The following CEP70 variants were observed in gnomAD, a reference collection of about 807,000 sequenced individuals.
The protein encoded by CEP70 is centrosomal protein 70, also known as centrosomal protein of 70 kDa.
CEP70 carries 70 observed loss-of-function variants against 90.9 expected under a neutral mutation model. That is an observed-to-expected ratio of 0.77 (90% CI 0.64 to 0.94). The LOEUF is 0.94. Among genes scored for constraint, CEP70 ranks in the 40% least tolerant of loss-of-function variants. The probability of loss-of-function intolerance (pLI) is 0.00; values close to 1 mark genes in which losing one functional copy is unlikely to be tolerated. For missense variants in CEP70, 648 were observed against 669.0 expected, an observed-to-expected ratio of 0.97 and a Z score of 0.35; for synonymous variants, 220 against 228.3, an observed-to-expected ratio of 0.96 and a Z score of 0.33.
chr3:138,567,765 A>C (rs1466332987), intron 6 of CEP70, among the ~76,000 whole-genome samples: 1 of 152,170 alleles, frequency 6.6e-6, no homozygotes, highest in African/African-American at 2.4e-5. Flanking sequence ...AGTTCTAGCA[A>C]CCTCTTTAAG....
At chr3:138,544,808 C>G (rs2039059033) in intron 6 of CEP70, among the ~76,000 whole-genome samples, 1 of 152,102 alleles carries the variant, frequency 6.6e-6, no homozygotes, top group Admixed American at 6.6e-5. Flanking sequence ...AAGCCAGGCC[C>G]TGAAAGACAA....
At chr3:138,522,668 A>T (rs1206622501) in intron 11 of CEP70, among the ~76,000 whole-genome samples, 1 of 152,220 alleles carries the variant, frequency 6.6e-6, no homozygotes, top group Non-Finnish European at 1.5e-5. Flanking sequence ...CCCAAGACTA[A>T]ACCAGGAAGA....
chr3:138,508,981 C>T (rs572420057), intron 11 of CEP70, among the ~76,000 whole-genome samples: 1 of 152,276 alleles, frequency 6.6e-6, no homozygotes, highest in African/African-American at 2.4e-5. Context: ...GATCCACCCA[C>T]CTCAGCCTCC....
At position 138,500,140 on chromosome 3, in the gene CEP70, A is replaced by G. The variant is rs531685434; in HGVS notation, c.1622T>C (p.Met541Thr). The change falls in exon 16 of 18, where the codon ATG (methionine) becomes ACG (threonine). Residue 541 changes from methionine to threonine, a missense_variant. Physicochemically the swap from Met to Thr is moderately conservative, Grantham distance 81 (BLOSUM62 -1). Transcript: ENST00000264982. ...GAGGTCTTCAGGTCCTAATACCTGC[A>G]TAACCTGCTCATTCACATCTTCATT... is the stretch of plus-strand genomic sequence containing the variant. ...LINEDVNEQVMQVLGPEDLQS... is the reference protein window; with the variant it reads ...LINEDVNEQVTQVLGPEDLQS... The G allele has an allele frequency of 6.2e-7, 1 of 1,613,510 alleles. No homozygotes were observed. Among genetic ancestry groups the G allele is most frequent in the African/African-American group, 1.3e-5 (1 of 75,028 alleles).
At chr3:138,497,113 T>G (rs1039563851) in intron 17 of CEP70, 3 of 1,055,312 alleles carry the variant, frequency 2.8e-6, no homozygotes, top group Non-Finnish European at 3.4e-6. Context: ...TGTGATCTTT[T>G]TAAACATGAG....
At chr3:138,517,867 G>A (rs1292749014) in intron 11 of CEP70, among the ~76,000 whole-genome samples, 2 of 152,212 alleles carry the variant, frequency 1.3e-5, no homozygotes, top group African/African-American at 4.8e-5. Flanking sequence ...CCGAGCGTGA[G>A]CCGAAGCAGG....
intron 13 of CEP70, among the ~76,000 whole-genome samples, chr3:138,503,186 AT>A (rs2034671685): frequency 6.6e-6 from 1 of 151,598 alleles, no homozygotes; most frequent in Non-Finnish European, 1.5e-5. Flanking sequence ...ATAACTTCCC[AT>A]TTCCCTCCTC....
rs143438486 is a variant in CEP70 at position 138,570,787 on chromosome 3, C to G, written c.284+247G>C. Reference sequence around the variant, plus strand: ...GCTCAAAAAGTTTCAATTTTTGGAGCCTTTCAGATTTTCAGATTTGAGATG... The same window carrying G: ...GCTCAAAAAGTTTCAATTTTTGGAGGCTTTCAGATTTTCAGATTTGAGATG... On this transcript the variant is annotated intron_variant, in intron 5 of 17. Transcript: ENST00000264982. 9.3e-3 allele frequency among the ~76,000 whole-genome samples: 1,420 copies of G among 152,124 alleles called. 25 individuals carry two copies. Among genetic ancestry groups the G allele is most frequent in the African/African-American group, 0.03 (1,245 of 41,508 alleles).
In CEP70 at chr3:138,494,820, C is replaced by T; in HGVS notation, c.*195G>A. 2.2e-6 allele frequency: 1 copy of T among 448,262 alleles called. No homozygotes were observed. The highest frequency in any genetic ancestry group is 4.0e-6 in the Non-Finnish European group (1 of 250,308). 27.8% of individuals were successfully genotyped at this position (448,262 alleles called of 1,614,324 possible). On this transcript the variant is annotated 3_prime_UTR_variant, in exon 18 of 18. Transcript: ENST00000264982. ...AGGGATCTAAAGTTAATTACCTTACCCTTGCAACTATTTTCTGTATAAGAA... is the reference window on the plus strand; with the variant it reads ...AGGGATCTAAAGTTAATTACCTTACTCTTGCAACTATTTTCTGTATAAGAA...
chr3:138,512,748 C>T (rs1470337997), intron 11 of CEP70, among the ~76,000 whole-genome samples: 1 of 152,142 alleles, frequency 6.6e-6, no homozygotes, highest in East Asian at 1.9e-4. Context: ...TGTGCAGAAA[C>T]TTTATAGCTT....
In CEP70 at chr3:138,515,616, T is replaced by C. The variant is rs187884374; in HGVS notation, c.945-7072A>G. 2.0e-3 allele frequency among the ~76,000 whole-genome samples: 303 copies of C among 152,308 alleles called. 2 individuals are homozygous for C. The highest frequency in any genetic ancestry group is 8.7e-4 in the Non-Finnish European group (59 of 68,022). ...GGGTGACCCAAATTATTTGCCACTG[T>C]GTACATGTCCATGAATGACTACAGG... On this transcript the variant is annotated intron_variant, in intron 11 of 17. Transcript: ENST00000264982.
chr3:138,566,737 C>T (rs1030175293), intron 6 of CEP70, among the ~76,000 whole-genome samples: 3 of 151,732 alleles, frequency 2.0e-5, no homozygotes, highest in Admixed American at 2.0e-4. Context: ...TGCAGCAAAC[C>T]ACCATGGCAC....
chr3:138,526,532 T>A (rs1427420050), intron 10 of CEP70, among the ~76,000 whole-genome samples: 1 of 152,196 alleles, frequency 6.6e-6, no homozygotes, highest in Non-Finnish European at 1.5e-5. Context: ...TGGGACAGTG[T>A]CTAACTTACT....
At chr3:138,497,128 A>G (rs2034007053) in intron 17 of CEP70, 1 of 1,080,526 alleles carries the variant, frequency 9.3e-7, no homozygotes, top group African/African-American at 1.7e-5. Context: ...CATGAGGACA[A>G]GCCTAAAGCA....
intron 6 of CEP70, among the ~76,000 whole-genome samples, chr3:138,563,196 A>T (rs2040535862): frequency 6.6e-6 from 1 of 152,198 alleles, no homozygotes; most frequent in Non-Finnish European, 1.5e-5. Context: ...CAGATTCATA[A>T]AGTAAAGTTC....
chr3:138,513,672 T>TGACTCATTGGCCTAACCACTTC (rs1350443854), intron 11 of CEP70, among the ~76,000 whole-genome samples: 1 of 152,216 alleles, frequency 6.6e-6, no homozygotes, highest in Non-Finnish European at 1.5e-5. Flanking sequence ...AATTTCACTT[T>TGACTCATTGGCCTAACCACTTC]GACTCATTGG....
intron 2 of CEP70, among the ~76,000 whole-genome samples, chr3:138,578,675 A>G (rs1428335753): frequency 6.6e-6 from 1 of 152,234 alleles, no homozygotes; most frequent in Non-Finnish European, 1.5e-5. Context: ...ACTACACAAA[A>G]ATATTAGAAG....
At chr3:138,592,560 C>T (rs2042433900) in intron 1 of CEP70, among the ~76,000 whole-genome samples, 1 of 146,310 alleles carries the variant, frequency 6.8e-6, no homozygotes, top group African/African-American at 2.6e-5. Flanking sequence ...GGGTAGGAGT[C>T]GGGGGGTAGG....
intron 6 of CEP70, among the ~76,000 whole-genome samples, chr3:138,542,060 G>A (rs534856389): frequency 6.6e-6 from 1 of 152,336 alleles, no homozygotes; most frequent in South Asian, 2.1e-4. Context: ...GCTGCACTCA[G>A]CTTGTGCTAC....
Sources: gnomAD v4.1 joint callset for allele counts (sites outside exome capture counted in the v4.1 genomes callset) on GRCh38, gnomAD v4.1.1 for gene constraint, MANE v1.5 for transcripts, NCBI Gene and HGNC (gene_info 2026-07-23, HGNC 2026-07-21) for gene names.